POU2F1: variants seen among roughly 807,000 people sequenced by gnomAD.
The protein encoded by POU2F1 is POU class 2 homeobox 1, also known as POU domain, class 2, transcription factor 1.
A neutral mutation model predicts 84.9 loss-of-function variants in POU2F1; 16 were observed. The ratio of observed to expected loss-of-function variants is 0.19; its 90% CI spans 0.13 to 0.29. The LOEUF (loss-of-function observed/expected upper bound fraction) is 0.29. Ranked by LOEUF, POU2F1 falls within the 10% of genes least tolerant of loss-of-function variation. The probability of loss-of-function intolerance (pLI) is 1.00; values close to 1 mark genes in which losing one functional copy is unlikely to be tolerated. For missense variants in POU2F1, 738 were observed against 942.6 expected (o/e 0.78, Z 2.84); for synonymous variants, 368 against 368.3 (o/e 1.00, Z 0.01).
chr1:167,274,422 T>C (rs1338075078), intron 1 of POU2F1, among the ~76,000 whole-genome samples: 1 of 152,212 alleles, frequency 6.6e-6, no homozygotes, highest in Non-Finnish European at 1.5e-5. Flanking sequence ...CTTCCTTTCC[T>C]CTTCTTTCCT....
intron 1 of POU2F1, among the ~76,000 whole-genome samples, chr1:167,325,000 T>C (rs1338610350): frequency 6.6e-6 from 1 of 152,180 alleles, no homozygotes; most frequent in Non-Finnish European, 1.5e-5. Flanking sequence ...TGATTCTGAG[T>C]CTCAAATTTT....
chr1:167,401,853 C>T (rs1327678800), intron 13 of POU2F1, among the ~76,000 whole-genome samples: 2 of 152,172 alleles, frequency 1.3e-5, no homozygotes, highest in African/African-American at 4.8e-5. Context: ...TCCATCCATA[C>T]CTTTGTAAAC....
intron 1 of POU2F1, among the ~76,000 whole-genome samples, chr1:167,268,767 G>C (rs937701157): frequency 6.6e-6 from 1 of 152,090 alleles, no homozygotes; most frequent in East Asian, 1.9e-4. Flanking sequence ...AATGCACACC[G>C]AGTAGTAAAA....
chr1:167,237,766 A>ATTTTTT (rs1649593291), intron 1 of POU2F1, among the ~76,000 whole-genome samples: 1 of 58,032 alleles, frequency 1.7e-5, no homozygotes, highest in African/African-American at 5.9e-5. Flanking sequence ...ATATATATAT[A>ATTTTTT]TATATATTTT....
chr1:167,272,714 C>T (rs527564611), intron 1 of POU2F1, among the ~76,000 whole-genome samples: 32 of 152,220 alleles, frequency 2.1e-4, no homozygotes, highest in Admixed American at 2.0e-4. Context: ...GATCTAGTCA[C>T]CTCCTTCCAG....
At chr1:167,386,266 C>T (rs1317125637) in intron 8 of POU2F1, among the ~76,000 whole-genome samples, 2 of 152,178 alleles carry the variant, frequency 1.3e-5, no homozygotes, top group African/African-American at 4.8e-5. Flanking sequence ...AATCACAGCC[C>T]ACTCTAGCAG....
intron 13 of POU2F1, among the ~76,000 whole-genome samples, chr1:167,406,214 G>C (rs903815872): frequency 3.6e-4 from 54 of 152,098 alleles, no homozygotes; most frequent in Non-Finnish European, 5.1e-4. Flanking sequence ...AGGAATGTAT[G>C]GTTAGTACAA....
chr1:167,349,767 T>C (rs955907305), intron 2 of POU2F1, among the ~76,000 whole-genome samples: 1 of 152,244 alleles, frequency 6.6e-6, no homozygotes, highest in East Asian at 1.9e-4. Flanking sequence ...CATTTGTTGT[T>C]GTTTTTGTTT....
intron 1 of POU2F1, among the ~76,000 whole-genome samples, chr1:167,324,397 C>A (rs1571302615): frequency 6.8e-6 from 1 of 147,232 alleles, no homozygotes; most frequent in Non-Finnish European, 1.5e-5. Context: ...TAAAATGTGA[C>A]TTTCAGTGAA....
At chr1:167,239,724 A>T (rs1042365730) in intron 1 of POU2F1, among the ~76,000 whole-genome samples, 1 of 152,202 alleles carries the variant, frequency 6.6e-6, no homozygotes, top group Middle Eastern at 3.2e-3. Flanking sequence ...GCTTGGAATG[A>T]TTGAAATTGA....
chr1:167,224,979 C>T (rs1237891345), intron 1 of POU2F1, among the ~76,000 whole-genome samples: 2 of 152,122 alleles, frequency 1.3e-5, no homozygotes, highest in Non-Finnish European at 2.9e-5. Context: ...CAGGCATGCG[C>T]CATGACGCCC....
chr1:167,338,788 A>G (rs769063175), intron 2 of POU2F1, among the ~76,000 whole-genome samples: 3 of 152,182 alleles, frequency 2.0e-5, no homozygotes, highest in Non-Finnish European at 4.4e-5. Flanking sequence ...GTATGTATAT[A>G]CTACATTTTG....
At chr1:167,392,812 T>C (rs974435138) in intron 9 of POU2F1, among the ~76,000 whole-genome samples, 2 of 152,204 alleles carry the variant, frequency 1.3e-5, no homozygotes, top group African/African-American at 4.8e-5. Flanking sequence ...GAATGGAAAA[T>C]CAGTCTATCA....
intron 1 of POU2F1, among the ~76,000 whole-genome samples, chr1:167,284,091 A>G (rs186520459): frequency 5.0e-4 from 76 of 152,240 alleles, no homozygotes; most frequent in African/African-American, 1.8e-3. Flanking sequence ...CCTATTTTGT[A>G]TTTGTGGTAT....
intron 8 of POU2F1, among the ~76,000 whole-genome samples, chr1:167,384,929 A>G (rs1647848956): frequency 6.6e-6 from 1 of 152,158 alleles, no homozygotes; most frequent in Non-Finnish European, 1.5e-5. Context: ...TAGTTGCTAG[A>G]TGACATGATT....
chr1:167,256,728 A>G (rs1281559010), intron 1 of POU2F1, among the ~76,000 whole-genome samples: 2 of 152,080 alleles, frequency 1.3e-5, no homozygotes, highest in Non-Finnish European at 1.5e-5. Flanking sequence ...TAATTTATTT[A>G]TTTATTTTTT....
Position 167,403,642 on chromosome 1 carries a change from G to A in POU2F1, c.1555+2086G>A, listed in dbSNP as rs181648387. 1.2e-4 allele frequency among the ~76,000 whole-genome samples: 19 copies of A among 152,148 alleles called. No individual in the cohort carries two copies. In the East Asian group the frequency reaches 3.7e-3, roughly 29 times the overall value. ...CTTTATCATGTTATTTATTAAAGAC[G>A]GCCATTGTCTTAATCATACAACTTA... On this transcript the variant is annotated intron_variant, in intron 13 of 15. Coordinates refer to ENST00000367866, the MANE Select transcript of POU2F1 (RefSeq NM_002697.4).
intron 1 of POU2F1, among the ~76,000 whole-genome samples, chr1:167,234,523 T>C (rs1352094888): frequency 1.3e-5 from 2 of 152,066 alleles, no homozygotes; most frequent in Non-Finnish European, 2.9e-5. Context: ...CTTGAGACCA[T>C]GAGTTTGAAA....
intron 1 of POU2F1, among the ~76,000 whole-genome samples, chr1:167,235,745 A>G (rs1211013384): frequency 2.6e-5 from 4 of 152,192 alleles, no homozygotes; most frequent in Admixed American, 2.0e-4. Flanking sequence ...TTTAAATAAG[A>G]TAAACATTTT....
Sources: allele counts gnomAD v4.1 joint callset (sites outside exome capture counted in the v4.1 genomes callset), GRCh38; gene constraint gnomAD v4.1.1; transcripts MANE v1.5; gene names NCBI Gene and HGNC (gene_info 2026-07-23, HGNC 2026-07-21).